Variants in PCDHA4 observed in about 807,000 individuals in gnomAD.
The protein encoded by PCDHA4 is protocadherin alpha 4.
Under a neutral mutation model 61.4 loss-of-function variants are expected in PCDHA4, and 49 were observed. The ratio of observed to expected loss-of-function variants is 0.80; its 90% CI spans 0.63 to 1.01. The LOEUF (loss-of-function observed/expected upper bound fraction) is 1.01, where lower values mean the gene tolerates loss of function less well. Among genes scored for constraint, PCDHA4 ranks in the 50% least tolerant of loss-of-function variants. The pLI is 0.00. For synonymous variants in PCDHA4, 590 were observed against 550.3 expected (o/e 1.07, Z -1.01); for missense variants, 1,254 against 1,235.8 (o/e 1.01, Z -0.22).
intron 3 of PCDHA4, among the ~76,000 whole-genome samples, chr5:140,990,735 C>T (rs1554251705): frequency 6.6e-6 from 1 of 152,112 alleles, no homozygotes; most frequent in African/African-American, 2.4e-5. Flanking sequence ...ATATCAACAG[C>T]CCTAGGGTGG....
At chr5:140,813,919 C>G (rs1554126348) in intron 1 of PCDHA4, 1 of 152,274 alleles carries the variant, frequency 6.6e-6, no homozygotes, top group African/African-American at 2.4e-5. Context: ...GGATCCTTGA[C>G]TTGAGGAGGT....
chr5:140,877,222 T>A lies in PCDHA4; in HGVS notation c.2385+67650T>A, dbSNP rs199811254. On this transcript the variant is annotated intron_variant, in intron 1 of 3. Coordinates refer to ENST00000530339, the MANE Select transcript of PCDHA4 (RefSeq NM_018907.4). ...CGCAGTTAGCGAGTTGGTACCGCGG[T>A]CGGTGGGTGCGGGCCACGTGGTGGC... The A allele has an allele frequency of 2.3e-4, 370 of 1,613,680 alleles. 1 individual carries two copies. The highest frequency in any genetic ancestry group is 3.0e-4 in the Admixed American group (18 of 59,992).
chr5:140,921,165 A>G (rs959305878), intron 1 of PCDHA4, among the ~76,000 whole-genome samples: 1 of 151,798 alleles, frequency 6.6e-6, no homozygotes, highest in Admixed American at 6.6e-5. Context: ...TTTTTTTAAC[A>G]CACATAAAGC....
rs181817860 is a variant in PCDHA4 at position 140,866,905 on chromosome 5, C to T, written c.2385+57333C>T. The T allele has an allele frequency of 1.6e-4, 24 of 152,148 alleles. 1 individual carries two copies. The highest frequency in any genetic ancestry group is 1.4e-3 in the Admixed American group (22 of 15,284). 9.4% of individuals were successfully genotyped at this position (152,148 alleles called of 1,614,324 possible). ...CCTATACCCAGATATTAGGCTGATCCTCAAAGATGAGTTCAAAGGGCGCAT... is the reference window on the plus strand; with the variant it reads ...CCTATACCCAGATATTAGGCTGATCTTCAAAGATGAGTTCAAAGGGCGCAT... On this transcript the variant is annotated intron_variant, in intron 1 of 3. Transcript: ENST00000530339.
intron 1 of PCDHA4, 52 bp from the exon 2 acceptor site, chr5:140,978,897 G>T: frequency 6.2e-7 from 1 of 1,612,776 alleles, no homozygotes; most frequent in Non-Finnish European, 8.5e-7. Context: ...AGCATTCCTG[G>T]GAGAACATTG....
intron 1 of PCDHA4, among the ~76,000 whole-genome samples, chr5:140,898,172 G>A (rs1262400829): frequency 2.6e-5 from 4 of 152,162 alleles, no homozygotes; most frequent in African/African-American, 9.7e-5. Context: ...TTCTTTTGCT[G>A]TGCAGAAGCT....
Position 140,807,458 on chromosome 5 carries a change from G to T in PCDHA4, c.271G>T (p.Asp91Tyr). The T allele has an allele frequency of 6.2e-7, 1 of 1,608,232 alleles. No individual in the cohort carries two copies. The highest frequency in any genetic ancestry group is 8.5e-7 in the Non-Finnish European group (1 of 1,178,186). The change falls in exon 1 of 4, where the codon GAC becomes TAC. Residue 91 changes from aspartate (D) to tyrosine (Y), a missense_variant. By Grantham distance (160) the Asp-to-Tyr change is radical. Transcript: ENST00000530339. ...NGILFVNSRI[D>Y]REELCRRSAE... ...CATTTTGTTTGTGAATTCTCGGATC[G>T]ACCGGGAGGAGCTGTGCCGGCGGAG...
chr5:140,913,237 C>A (rs2076260841), intron 1 of PCDHA4, among the ~76,000 whole-genome samples: 1 of 152,080 alleles, frequency 6.6e-6, no homozygotes, highest in Non-Finnish European at 1.5e-5. Context: ...TGCTGGGAGA[C>A]TTTTTGTTAC....
intron 1 of PCDHA4, chr5:140,863,374 A>C: frequency 5.3e-5 from 60 of 1,135,154 alleles, no homozygotes; most frequent in Non-Finnish European, 7.5e-5. Flanking sequence ...GGCGCAGCTC[A>C]CCGAGAGCTC....
chr5:140,947,107 G>A (rs1041048233), intron 1 of PCDHA4, among the ~76,000 whole-genome samples: 12 of 151,202 alleles, frequency 7.9e-5, no homozygotes, highest in South Asian at 4.2e-4. Flanking sequence ...AAATAGGTAC[G>A]TGTCAATTAA....
chr5:140,830,775 AT>A (rs1201175908), intron 1 of PCDHA4: 4 of 167,194 alleles, frequency 2.4e-5, no homozygotes, highest in East Asian at 1.6e-4. Context: ...TCATAGTAGC[AT>A]TTTTTTCTGA....
At chr5:140,888,234 G>A (rs1554183382) in intron 1 of PCDHA4, among the ~76,000 whole-genome samples, 2 of 152,250 alleles carry the variant, frequency 1.3e-5, no homozygotes, top group East Asian at 1.9e-4. Flanking sequence ...ATGTGTGTGC[G>A]TGTTCCTTTA....
intron 3 of PCDHA4, among the ~76,000 whole-genome samples, chr5:141,006,067 A>T (rs1202024176): frequency 3.3e-5 from 5 of 151,950 alleles, no homozygotes; most frequent in African/African-American, 1.2e-4. Context: ...AGAAATAAAA[A>T]TCAGATTATT....
intron 1 of PCDHA4, chr5:140,852,361 T>A (rs1235352793): frequency 4.9e-6 from 1 of 205,518 alleles, no homozygotes; most frequent in East Asian, 1.9e-4. Context: ...CACTGCAACG[T>A]CTGCCTCCTG....
chr5:141,001,448 G>A (rs1465333650), intron 3 of PCDHA4, among the ~76,000 whole-genome samples: 1 of 152,190 alleles, frequency 6.6e-6, no homozygotes, highest in Non-Finnish European at 1.5e-5. Context: ...TCTTTCCACT[G>A]TCAATTGAAG....
rs183715022 is a variant in PCDHA4 at position 140,950,136 on chromosome 5, A to G, written c.2386-28813A>G. Among the ~76,000 whole-genome samples, 19 of 152,068 alleles carry G rather than the reference A, an allele frequency of 1.2e-4. No individual in the cohort carries two copies. The East Asian group carries it at 3.7e-3, about 29-fold the overall frequency. ...AATACAAAACCCACAAGACACAGTT[A>G]TAATTTTTGTTTAAGCAGTTATTAT... On this transcript the variant is annotated intron_variant, in intron 1 of 3. Transcript: ENST00000530339.
intron 3 of PCDHA4, among the ~76,000 whole-genome samples, chr5:140,989,551 C>A (rs964653534): frequency 1.3e-5 from 2 of 152,178 alleles, no homozygotes; most frequent in Non-Finnish European, 2.9e-5. Context: ...AATTCCTTTA[C>A]GTTTTGTGGC....
intron 1 of PCDHA4, chr5:140,884,397 T>C: frequency 6.2e-7 from 1 of 1,613,992 alleles, no homozygotes; most frequent in South Asian, 1.1e-5. Flanking sequence ...GTGTCCAGCC[T>C]GTTGGTGCTC....
chr5:140,857,073 A>G (rs782238591), intron 1 of PCDHA4: 1 of 1,596,904 alleles, frequency 6.3e-7, no homozygotes, highest in East Asian at 2.2e-5. Context: ...CTACTGGATG[A>G]AAATGATAAT....
Sources: gnomAD v4.1 joint callset for allele counts (sites outside exome capture counted in the v4.1 genomes callset) on GRCh38, gnomAD v4.1.1 for gene constraint, MANE v1.5 for transcripts, NCBI Gene and HGNC (gene_info 2026-07-23, HGNC 2026-07-21) for gene names.